THEMIS: variants seen among roughly 807,000 people sequenced by gnomAD.
THEMIS encodes the protein protein THEMIS.
Under a neutral mutation model 52.6 loss-of-function variants are expected in THEMIS, and 37 were observed. The observed-to-expected ratio is 0.70, with a 90% confidence interval of 0.54 to 0.93. The LOEUF (loss-of-function observed/expected upper bound fraction) is 0.93. THEMIS is among the 40% of genes least tolerant of loss of function. The pLI is 0.00. For missense variants in THEMIS, 808 were observed against 763.1 expected (o/e 1.06, Z -0.69); for synonymous variants, 292 against 272.7 (o/e 1.07, Z -0.70).
At chr6:127,903,257 C>T (rs549936456), upstream of THEMIS, among the ~76,000 whole-genome samples, 1 of 151,888 alleles carries the variant, frequency 6.6e-6, no homozygotes, top group Non-Finnish European at 1.5e-5. Flanking sequence ...GACACACAGG[C>T]AAAAAAATCC....
At chr6:127,889,144 C>T (rs1780730766) in intron 1 of THEMIS, among the ~76,000 whole-genome samples, 1 of 152,068 alleles carries the variant, frequency 6.6e-6, no homozygotes, top group African/African-American at 2.4e-5. Context: ...TTCATTTTGA[C>T]ATAGTCTACC....
chr6:127,916,441 G>A (rs953882633), intron 1 of THEMIS, among the ~76,000 whole-genome samples: 3 of 152,132 alleles, frequency 2.0e-5, no homozygotes, highest in African/African-American at 7.2e-5. Flanking sequence ...GGGATAAGGT[G>A]AAGATGATTA....
intron 4 of THEMIS, among the ~76,000 whole-genome samples, chr6:127,806,539 G>T (rs184707498): frequency 6.6e-6 from 1 of 152,202 alleles, no homozygotes; most frequent in East Asian, 1.9e-4. Context: ...CTTCAATCAT[G>T]CCATAATGAA....
chr6:127,730,096 CCT>C (rs1774712463), intron 4 of THEMIS, among the ~76,000 whole-genome samples: 1 of 151,568 alleles, frequency 6.6e-6, no homozygotes. Flanking sequence ...ATAGTGAGCC[CCT>C]GTTTCTAATA....
chr6:127,765,169 C>T (rs1457616365), intron 4 of THEMIS, among the ~76,000 whole-genome samples: 1 of 152,026 alleles, frequency 6.6e-6, no homozygotes, highest in East Asian at 1.9e-4. Flanking sequence ...GTTCTAATAA[C>T]ACAAAGCCAA....
chr6:127,837,187 C>T (rs996035586), intron 2 of THEMIS, among the ~76,000 whole-genome samples: 9 of 151,984 alleles, frequency 5.9e-5, no homozygotes, highest in Middle Eastern at 6.8e-3. Flanking sequence ...TGATAGAAAA[C>T]GATGAAAACT....
At chr6:127,917,552 C>G (rs1370122281) in intron 1 of THEMIS, among the ~76,000 whole-genome samples, 2 of 152,140 alleles carry the variant, frequency 1.3e-5, no homozygotes, top group Admixed American at 6.5e-5. Context: ...TCTTGATGAC[C>G]ATTGTTTTAG....
At chr6:127,710,768 G>T (rs371298373) in intron 5 of THEMIS, among the ~76,000 whole-genome samples, 4 of 151,906 alleles carry the variant, frequency 2.6e-5, no homozygotes, top group Non-Finnish European at 5.9e-5. Context: ...AGCCCTAAAA[G>T]TAAGCACTAC....
In THEMIS at chr6:127,822,729, G is replaced by A. The variant is rs1583317604; in HGVS notation, c.709+6747C>T. ...CTAGGTGATGCTGTGAAGGTATTTT[G>A]TTCATGTAGCTGTCATCTACAATCA... On this transcript the variant is annotated intron_variant, in intron 3 of 5. Transcript: ENST00000368248. 2.0e-5 allele frequency among the ~76,000 whole-genome samples: 3 copies of A among 152,158 alleles called. 1 individual carries two copies. In the South Asian group the frequency reaches 6.2e-4, roughly 32 times the overall value.
chr6:127,905,634 A>T (rs1190390772), upstream of THEMIS, among the ~76,000 whole-genome samples: 1 of 152,040 alleles, frequency 6.6e-6, no homozygotes, highest in East Asian at 1.9e-4. Flanking sequence ...GGAGTTTTGA[A>T]TATATCTGCA....
intron 4 of THEMIS, among the ~76,000 whole-genome samples, chr6:127,774,582 C>T (rs576185495): frequency 6.6e-6 from 1 of 152,270 alleles, no homozygotes; most frequent in East Asian, 1.9e-4. Context: ...TTGCTTAAAG[C>T]AAATCACAGA....
At chr6:127,739,618 C>T (rs1775128341) in intron 4 of THEMIS, among the ~76,000 whole-genome samples, 1 of 151,846 alleles carries the variant, frequency 6.6e-6, no homozygotes, top group South Asian at 2.1e-4. Flanking sequence ...CTAGCCTGGG[C>T]GACAGAGCGA....
chr6:127,794,893 A>T (rs537193317), intron 4 of THEMIS, among the ~76,000 whole-genome samples: 99 of 152,356 alleles, frequency 6.5e-4, no homozygotes, highest in African/African-American at 2.2e-3. Flanking sequence ...TAAGAGGAGT[A>T]TCAGACCATT....
intron 4 of THEMIS, among the ~76,000 whole-genome samples, chr6:127,809,764 T>A (rs747345624): frequency 1.1e-4 from 16 of 151,448 alleles, no homozygotes; most frequent in Non-Finnish European, 8.8e-5. Context: ...TCACCCAGTG[T>A]TGAAGATGTC....
At chr6:127,719,888 G>T (rs1432591722) in intron 4 of THEMIS, 65 bp from the exon 5 acceptor site, 4 of 1,564,078 alleles carry the variant, frequency 2.6e-6, no homozygotes, top group East Asian at 4.6e-5. Flanking sequence ...AGATATGAAA[G>T]ATTTATCACA....
At chr6:127,772,268 A>T (rs986816109) in intron 4 of THEMIS, among the ~76,000 whole-genome samples, 1 of 152,126 alleles carries the variant, frequency 6.6e-6, no homozygotes, top group East Asian at 1.9e-4. Context: ...ACAAGGCACA[A>T]GATAATTATT....
At chr6:127,842,003 C>G (rs562951360) in intron 2 of THEMIS, among the ~76,000 whole-genome samples, 2 of 152,054 alleles carry the variant, frequency 1.3e-5, no homozygotes, top group South Asian at 4.1e-4. Context: ...TAGGGCTGCT[C>G]TGAGTCATGT....
At position 127,760,579 on chromosome 6, in the gene THEMIS, G is replaced by A. The variant is rs62425514; in HGVS notation, c.1759-40756C>T. Among the ~76,000 whole-genome samples the A allele has an allele frequency of 9.0e-3, 1,372 of 152,170 alleles. 9 individuals carry two copies. Among genetic ancestry groups the A allele is most frequent in the Middle Eastern group, 0.02 (6 of 294 alleles). ...GTGGGAGGACTACTTGAGGCTAGGA[G>A]TTCAAGAACAGCCAGGGAAACATAG... On this transcript the variant is annotated intron_variant, in intron 4 of 5. Coordinates refer to ENST00000368248, the MANE Select transcript of THEMIS (RefSeq NM_001010923.3).
intron 2 of THEMIS, among the ~76,000 whole-genome samples, chr6:127,837,943 G>A (rs953183056): frequency 2.6e-5 from 4 of 151,900 alleles, no homozygotes; most frequent in Non-Finnish European, 4.4e-5. Flanking sequence ...CCTCACTGTT[G>A]GGCATTTAAG....
Sources: allele counts gnomAD v4.1 joint callset (sites outside exome capture counted in the v4.1 genomes callset), GRCh38; gene constraint gnomAD v4.1.1; transcripts MANE v1.5; gene names NCBI Gene and HGNC (gene_info 2026-07-23, HGNC 2026-07-21).